The following CACNA1C variants were observed in gnomAD, a reference collection of about 807,000 sequenced individuals.
The protein encoded by CACNA1C is voltage-dependent L-type calcium channel subunit alpha-1C.
A neutral mutation model predicts 229.0 loss-of-function variants in CACNA1C; 30 were observed. That is an observed-to-expected ratio of 0.13 (90% CI 0.10 to 0.18). The LOEUF (loss-of-function observed/expected upper bound fraction) is 0.18, where lower values mean the gene tolerates loss of function less well. CACNA1C is among the 10% of genes least tolerant of loss of function. The probability of loss-of-function intolerance (pLI) is 1.00; values close to 1 mark genes in which losing one functional copy is unlikely to be tolerated. For synonymous variants in CACNA1C, 1,114 were observed against 1,132.5 expected, an observed-to-expected ratio of 0.98 and a Z score of 0.33; for missense variants, 1,658 against 2,845.0, an observed-to-expected ratio of 0.58 and a Z score of 9.49.
At chr12:2,546,760 A>G (rs2099882018) in intron 9 of CACNA1C, among the ~76,000 whole-genome samples, 1 of 152,236 alleles carries the variant, frequency 6.6e-6, no homozygotes, top group Non-Finnish European at 1.5e-5. Flanking sequence ...CAATTTAACA[A>G]CTTATTGGCC....
chr12:2,166,365 A>G (rs1189211051), intron 3 of CACNA1C, among the ~76,000 whole-genome samples: 2 of 152,254 alleles, frequency 1.3e-5, no homozygotes, highest in African/African-American at 4.8e-5. Flanking sequence ...GCATGTGCTC[A>G]GGTTAACTTT....
intron 1 of CACNA1C, among the ~76,000 whole-genome samples, chr12:1,972,858 G>A (rs969568619): frequency 3.3e-5 from 5 of 152,152 alleles, no homozygotes; most frequent in African/African-American, 1.2e-4. Flanking sequence ...GAGAAAAAGA[G>A]AGAAAAGAAA....
chr12:2,021,274 C>T (rs1237939086), intron 1 of CACNA1C, among the ~76,000 whole-genome samples: 1 of 152,172 alleles, frequency 6.6e-6, no homozygotes, highest in Non-Finnish European at 1.5e-5. Context: ...GTCACCTACA[C>T]TATAGGCAGA....
At chr12:2,494,188 G>A (rs1568020467) in intron 7 of CACNA1C, among the ~76,000 whole-genome samples, 1 of 152,048 alleles carries the variant, frequency 6.6e-6, no homozygotes, top group Non-Finnish European at 1.5e-5. Context: ...CCAATCAATA[G>A]CAAATCTTCG....
chr12:2,693,718 CTT>C lies in CACNA1C; in HGVS notation c.*2522_*2523del, dbSNP rs1363328244. 6.6e-6 allele frequency: 1 copy of C among 152,224 alleles called. No homozygotes were observed. Among genetic ancestry groups the C allele is most frequent in the Non-Finnish European group, 1.5e-5 (1 of 68,068 alleles). 9.4% of individuals were successfully genotyped at this position (152,224 alleles called of 1,614,324 possible). ...ACTTATATCTCCCTAGAACATCACT[CTT>C]TTGGTGCTGTGTCCTTCAAATGTAT... On this transcript the variant is annotated 3_prime_UTR_variant, in exon 47 of 47. Coordinates refer to ENST00000399655, the MANE Select transcript of CACNA1C (RefSeq NM_000719.7).
intron 3 of CACNA1C, among the ~76,000 whole-genome samples, chr12:2,441,608 A>G (rs1303202466): frequency 2.0e-5 from 3 of 152,216 alleles, no homozygotes; most frequent in East Asian, 1.9e-4. Context: ...CTCCCTCGCC[A>G]TAGCATCTTG....
chr12:2,335,075 C>T (rs1037580175), intron 3 of CACNA1C, among the ~76,000 whole-genome samples: 15 of 152,320 alleles, frequency 9.8e-5, no homozygotes, highest in African/African-American at 3.6e-4. Context: ...CAACCCTATT[C>T]TGAGATGCTC....
intron 46 of CACNA1C, 68 bp downstream of exon 46, chr12:2,688,847 G>C: frequency 7.9e-7 from 1 of 1,271,890 alleles, no homozygotes; most frequent in Non-Finnish European, 1.1e-6. Context: ...ATGCGGGGCT[G>C]AGAAGGGAGC....
At chr12:2,552,323 AG>A (rs5796012) in intron 10 of CACNA1C, among the ~76,000 whole-genome samples, 111,891 of 151,598 alleles carry the variant, frequency 0.74, 41,949 homozygotes, top group East Asian at 0.92. Context: ...AGGCAACTAT[AG>A]GATTGGGGTA....
At chr12:2,282,387 C>T (rs2091548425) in intron 3 of CACNA1C, among the ~76,000 whole-genome samples, 1 of 152,222 alleles carries the variant, frequency 6.6e-6, no homozygotes, top group Non-Finnish European at 1.5e-5. Flanking sequence ...GCAGACAGGG[C>T]TGAACGCCCG....
chr12:2,014,332 A>G (rs2044957672), intron 1 of CACNA1C, among the ~76,000 whole-genome samples: 1 of 152,186 alleles, frequency 6.6e-6, no homozygotes, highest in Non-Finnish European at 1.5e-5. Context: ...GAGTTCTTAT[A>G]ATAAGCATAG....
chr12:2,083,354 G>T (rs2066397541), intron 1 of CACNA1C, among the ~76,000 whole-genome samples: 1 of 152,194 alleles, frequency 6.6e-6, no homozygotes. Flanking sequence ...GCATTGCCAG[G>T]CAGCCTGTGT....
At chr12:2,259,229 C>T (rs1017444296) in intron 3 of CACNA1C, among the ~76,000 whole-genome samples, 1 of 152,310 alleles carries the variant, frequency 6.6e-6, no homozygotes, top group Middle Eastern at 3.4e-3. Flanking sequence ...AAGCTCCCCA[C>T]ACCCCGCCCT....
rs60498219 is a variant in CACNA1C, at chr12:2,394,109, CAAAAAAA to C, written c.478-54857_478-54851del. ...AACAGAGCAAGACCCTGTCTCTAAA[CAAAAAAA>C]AAAAAAAAAGGAAAAGGAGGGACAC... On this transcript the variant is annotated intron_variant, in intron 3 of 46. Transcript: ENST00000399655. Among the ~76,000 whole-genome samples, 5 of 113,280 alleles carry C rather than the reference CAAAAAAA, an allele frequency of 4.4e-5. 1 individual carries two copies. The highest frequency in any genetic ancestry group is 3.1e-4 in the South Asian group (1 of 3,180). 74.3% of individuals were successfully genotyped at this position (113,280 alleles called of 152,430 possible).
intron 4 of CACNA1C, among the ~76,000 whole-genome samples, chr12:2,455,507 GTTTTTAC>G (rs2099412129): frequency 6.6e-6 from 1 of 152,154 alleles, no homozygotes; most frequent in African/African-American, 2.4e-5. Flanking sequence ...AATTTCACCT[GTTTTTAC>G]TTTTTAATGT....
chr12:2,214,294 G>A (rs1321173583), intron 3 of CACNA1C, among the ~76,000 whole-genome samples: 2 of 152,294 alleles, frequency 1.3e-5, no homozygotes, highest in African/African-American at 4.8e-5. Flanking sequence ...TTTCTATGAT[G>A]TGGGTAACTT....
At position 2,067,477 on chromosome 12, in the gene CACNA1C, T is replaced by TGTGCGCGC. The variant is rs1555107746; in HGVS notation, c.49+13869_49+13870insCGCGCGTG. Among the ~76,000 whole-genome samples the TGTGCGCGC allele has an allele frequency of 2.1e-4, 28 of 131,724 alleles. No homozygotes were observed. Among genetic ancestry groups the TGTGCGCGC allele is most frequent in the African/African-American group, 7.2e-4 (27 of 37,672 alleles). The allele number at this position is 131,724 out of a possible 152,430, so 86.4% of individuals were successfully genotyped here. On this transcript the variant is annotated intron_variant, in intron 1 of 46. Coordinates refer to ENST00000399655, the MANE Select transcript of CACNA1C (RefSeq NM_000719.7). The surrounding 1 kb of genome is among the most constrained non-coding windows in gnomAD (Gnocchi z 5.3). ...GTGTGTGTGTGTGTGTGTGTGTGTG[T>TGTGCGCGC]GTGTGCGCGCGTGTGCGTGCCTGTA...
intron 3 of CACNA1C, among the ~76,000 whole-genome samples, chr12:2,289,687 G>A (rs766348786): frequency 4.0e-5 from 6 of 151,890 alleles, no homozygotes; most frequent in South Asian, 2.1e-4. Flanking sequence ...TAAACCAGGC[G>A]TTACGTGATC....
intron 13 of CACNA1C, 97 bp from the exon 14 acceptor site, chr12:2,581,493 C>A: frequency 8.9e-7 from 1 of 1,118,680 alleles, no homozygotes; most frequent in Non-Finnish European, 1.3e-6. Context: ...AGAGTGGCAG[C>A]TCCTCTGAGA....
Sources: allele counts gnomAD v4.1 joint callset (sites outside exome capture counted in the v4.1 genomes callset), GRCh38; gene constraint gnomAD v4.1.1; non-coding constraint Gnocchi (gnomAD v3.1); transcripts MANE v1.5; gene names NCBI Gene and HGNC (gene_info 2026-07-23, HGNC 2026-07-21).